CACNA1A: variants seen among roughly 807,000 people sequenced by gnomAD.
CACNA1A encodes voltage-dependent P/Q-type calcium channel subunit alpha-1A.
Under a neutral mutation model 262.4 loss-of-function variants are expected in CACNA1A, and 57 were observed. That is an observed-to-expected ratio of 0.22 (90% CI 0.18 to 0.27). The LOEUF (loss-of-function observed/expected upper bound fraction) is 0.27, where lower values mean the gene tolerates loss of function less well. CACNA1A is among the 10% of genes least tolerant of loss of function. The pLI is 1.00. For synonymous variants in CACNA1A, 1,431 were observed against 1,419.3 expected (o/e 1.01, Z -0.18); for missense variants, 2,526 against 3,562.8 (o/e 0.71, Z 7.41).
rs1299060473 is a variant in CACNA1A, at chr19:13,402,871, CACATATATATATATATATAT to C, written c.540-31112_540-31093del. On this transcript the variant is annotated intron_variant, in intron 3 of 46. Coordinates refer to ENST00000360228, the MANE Select transcript of CACNA1A (RefSeq NM_001127222.2). ...ACATATATATATACACACACACACA[CACATATATATATATATATAT>C]ATATATATATATATATATATATATA... Among the ~76,000 whole-genome samples the C allele has an allele frequency of 1.2e-3, 76 of 64,184 alleles. 1 individual carries two copies. Among genetic ancestry groups the C allele is most frequent in the African/African-American group, 5.8e-3 (66 of 11,294 alleles). The allele number at this position is 64,184 out of a possible 152,430, so 42.1% of individuals were successfully genotyped here. A position where few individuals can be genotyped will look rare whatever the true frequency, so the allele number is the denominator to read the frequency against.
At chr19:13,269,604 G>T (rs1008509877) in intron 24 of CACNA1A, among the ~76,000 whole-genome samples, 2 of 152,152 alleles carry the variant, frequency 1.3e-5, no homozygotes, top group East Asian at 3.9e-4. Context: ...GAACAGCCGC[G>T]CCAGATGGAC....
At chr19:13,355,607 C>T (rs2058995005) in intron 6 of CACNA1A, among the ~76,000 whole-genome samples, 1 of 152,152 alleles carries the variant, frequency 6.6e-6, no homozygotes, top group Non-Finnish European at 1.5e-5. Context: ...TATTTATCCA[C>T]TGACTTCTCC....
intron 24 of CACNA1A, among the ~76,000 whole-genome samples, chr19:13,268,893 C>CTTTTTTTTTTTTTTTTTTT (rs3050832): frequency 9.3e-6 from 1 of 107,948 alleles, no homozygotes; most frequent in African/African-American, 3.6e-5. Context: ...ATAGATTCTA[C>CTTTTTTTTTTTTTTTTTTT]TTTTTTTTTT....
intron 6 of CACNA1A, among the ~76,000 whole-genome samples, chr19:13,354,877 T>C (rs796413536): frequency 0.17 from 14,589 of 83,896 alleles, 816 homozygotes; most frequent in East Asian, 0.36. Flanking sequence ...TTCTTTTTTT[T>C]TTTTTTTTTT....
intron 12 of CACNA1A, among the ~76,000 whole-genome samples, chr19:13,309,708 T>C (rs1467643743): frequency 6.6e-6 from 1 of 151,428 alleles, no homozygotes; most frequent in African/African-American, 2.4e-5. Context: ...AAATAAAAAA[T>C]AAAATAAAAT....
In CACNA1A at chr19:13,286,812, G is replaced by A. The variant is rs764695193; in HGVS notation, c.3244C>T (p.His1082Tyr). ...AGGCCGGCGTGGCCAAGGCTGCCGT[G>A]GGGAGCGGCCGACTCCGCGGTGGCC... ...KLATAESAAPHGSLGHAGLPQ... is the reference protein window; with the variant it reads ...KLATAESAAPYGSLGHAGLPQ... The change falls in exon 20 of 47, where the codon CAC becomes TAC. Residue 1082 changes from histidine to tyrosine, a missense_variant. Coordinates refer to ENST00000360228, the MANE Select transcript of CACNA1A (RefSeq NM_001127222.2). The A allele has an allele frequency of 3.7e-6, 6 of 1,613,418 alleles. No homozygotes were observed. In the East Asian group the frequency reaches 8.9e-5, roughly 24 times the overall value.
intron 1 of CACNA1A, among the ~76,000 whole-genome samples, chr19:13,503,997 A>C (rs1320370711): frequency 6.6e-6 from 1 of 152,230 alleles, no homozygotes; most frequent in East Asian, 1.9e-4. Flanking sequence ...AGGTAAGCTA[A>C]GGACACAGCA....
intron 3 of CACNA1A, among the ~76,000 whole-genome samples, chr19:13,440,829 G>A (rs1445259329): frequency 6.6e-6 from 1 of 152,126 alleles, no homozygotes; most frequent in Non-Finnish European, 1.5e-5. Context: ...TGTTTTGTTT[G>A]TTTGAGACAA....
intron 19 of CACNA1A, among the ~76,000 whole-genome samples, chr19:13,288,229 CTTTTTCT>C (rs932135032): frequency 7.5e-5 from 11 of 147,650 alleles, no homozygotes; most frequent in South Asian, 4.8e-4. Flanking sequence ...TTCTTTCTTT[CTTTTTCT>C]TTTTTCTTTT....
intron 9 of CACNA1A, among the ~76,000 whole-genome samples, chr19:13,332,386 C>A (rs10413204): frequency 6.6e-6 from 1 of 151,194 alleles, no homozygotes; most frequent in Non-Finnish European, 1.5e-5. Flanking sequence ...GGTGACAGAG[C>A]GAGACTCTGT....
chr19:13,207,907 C>G lies in CACNA1A; in HGVS notation c.6927G>C (p.Ser2309=). ...YSPVIRKAGG[S]GPPQQQQQQQ... ...GCTGCTGCTGCTGCTGCGGGGGCCC[C>G]GAGCCGCCGGCCTTACGGATCACAG... The change falls in exon 47 of 47, where the codon TCG becomes TCC. Residue 2309 remains serine (S), a synonymous_variant. Coordinates refer to ENST00000360228, the MANE Select transcript of CACNA1A (RefSeq NM_001127222.2). This position sits in a 1 kb window ranked among gnomAD's most constrained non-coding sequence, Gnocchi z 5.7. The G allele has an allele frequency of 2.1e-6, 3 of 1,461,656 alleles. No individual in the cohort carries two copies. The highest frequency in any genetic ancestry group is 1.8e-6 in the Non-Finnish European group (2 of 1,112,416). 90.5% of individuals were successfully genotyped at this position (1,461,656 alleles called of 1,614,324 possible).
At chr19:13,358,474 G>A (rs1414252854) in intron 6 of CACNA1A, among the ~76,000 whole-genome samples, 1 of 152,222 alleles carries the variant, frequency 6.6e-6, no homozygotes, top group Non-Finnish European at 1.5e-5. Context: ...AAGATCTCTA[G>A]AACGTGTGGT....
chr19:13,300,038 T>C (rs1346625065), intron 18 of CACNA1A, among the ~76,000 whole-genome samples: 1 of 152,158 alleles, frequency 6.6e-6, no homozygotes, highest in Non-Finnish European at 1.5e-5. Context: ...CAGGCGGTAA[T>C]GCTTGCTTGC....
At chr19:13,259,821 G>C in intron 26 of CACNA1A, 120 bp from the exon 27 acceptor site, 6 of 1,042,634 alleles carry the variant, frequency 5.8e-6, no homozygotes, top group Non-Finnish European at 8.5e-6. Flanking sequence ...AGACTGCTTG[G>C]GAAGCAGTGA....
chr19:13,283,461 C>A (rs1330533869), intron 21 of CACNA1A, 65 bp from the exon 22 acceptor site: 7 of 1,598,366 alleles, frequency 4.4e-6, no homozygotes, highest in African/African-American at 2.7e-5. Flanking sequence ...CCTTTTCTTC[C>A]ATAATCTCAT....
chr19:13,478,219 AAATGGGGTGAAGTCT>A (rs1978801660), intron 1 of CACNA1A, among the ~76,000 whole-genome samples: 1 of 152,168 alleles, frequency 6.6e-6, no homozygotes, highest in Admixed American at 6.5e-5. Context: ...GTTATGAAAG[AAATGGGGTGAAGTCT>A]AATTCAGACT....
intron 37 of CACNA1A, 41 bp downstream of exon 37, chr19:13,227,390 A>T (rs750543586): frequency 3.1e-6 from 3 of 978,856 alleles, no homozygotes; most frequent in Non-Finnish European, 4.7e-6. Flanking sequence ...AGAAAAAAAA[A>T]CCCAGTGCCT....
intron 3 of CACNA1A, among the ~76,000 whole-genome samples, chr19:13,405,450 C>G (rs954068802): frequency 6.6e-6 from 1 of 152,174 alleles, no homozygotes; most frequent in Non-Finnish European, 1.5e-5. Flanking sequence ...AAGCAATCAG[C>G]CTGCTTCTGC....
At chr19:13,399,394 G>GAGAAGAAGAAGAAGA (rs74375569) in intron 3 of CACNA1A, among the ~76,000 whole-genome samples, 10 of 143,464 alleles carry the variant, frequency 7.0e-5, no homozygotes, top group African/African-American at 2.6e-4. Flanking sequence ...ATCCAAAAAT[G>GAGAAGAAGAAGAAGA]AGAAGAAGAA....
Sources: gnomAD v4.1 joint callset for allele counts (sites outside exome capture counted in the v4.1 genomes callset) on GRCh38, gnomAD v4.1.1 for gene constraint, Gnocchi (gnomAD v3.1) non-coding constraint, MANE v1.5 for transcripts, NCBI Gene and HGNC (gene_info 2026-07-23, HGNC 2026-07-21) for gene names.